Variants in PARN observed in about 807,000 individuals in gnomAD.
The protein encoded by PARN is poly(A)-specific ribonuclease PARN.
Under a neutral mutation model 102.8 loss-of-function variants are expected in PARN, and 71 were observed. That is an observed-to-expected ratio of 0.69 (90% CI 0.57 to 0.84). The LOEUF (loss-of-function observed/expected upper bound fraction) is 0.84, where lower values mean the gene tolerates loss of function less well. Ranked by LOEUF, PARN falls within the 40% of genes least tolerant of loss-of-function variation. The pLI, the probability that PARN is intolerant of heterozygous loss-of-function variation, is 0.00. For missense variants in PARN, 782 were observed against 760.9 expected, an observed-to-expected ratio of 1.03 and a Z score of -0.33; for synonymous variants, 261 against 252.9, an observed-to-expected ratio of 1.03 and a Z score of -0.30.
At chr16:14,587,204 G>A (rs1490133140) in intron 13 of PARN, among the ~76,000 whole-genome samples, 3 of 152,096 alleles carry the variant, frequency 2.0e-5, no homozygotes, top group Non-Finnish European at 4.4e-5. Context: ...GCTTTTCACT[G>A]GCTATAAATT....
intron 22 of PARN, among the ~76,000 whole-genome samples, chr16:14,462,925 C>T (rs939563664): frequency 3.3e-5 from 5 of 152,206 alleles, no homozygotes; most frequent in Non-Finnish European, 7.3e-5. Flanking sequence ...AGGAAACTAA[C>T]GAGGTGAACC....
intron 9 of PARN, among the ~76,000 whole-genome samples, chr16:14,607,802 A>G (rs1971285895): frequency 6.6e-6 from 1 of 152,170 alleles, no homozygotes; most frequent in Non-Finnish European, 1.5e-5. Context: ...TCAATGTTCA[A>G]TTTCTGAGTT....
chr16:14,511,713 A>G (rs1053411159), intron 21 of PARN, among the ~76,000 whole-genome samples: 2 of 152,002 alleles, frequency 1.3e-5, no homozygotes, highest in East Asian at 3.9e-4. Flanking sequence ...GTTATGTTAT[A>G]TTTTAGACAC....
chr16:14,478,588 G>T (rs1230233980), intron 22 of PARN, among the ~76,000 whole-genome samples: 1 of 152,054 alleles, frequency 6.6e-6, no homozygotes. Context: ...ACTAGCTAAA[G>T]GTGCTAGTCA....
chr16:14,534,540 AT>A (rs1966525892), intron 21 of PARN, among the ~76,000 whole-genome samples: 1 of 152,104 alleles, frequency 6.6e-6, no homozygotes, highest in Non-Finnish European at 1.5e-5. Context: ...TAATGAGTTC[AT>A]TTCCCCCCCT....
intron 5 of PARN, among the ~76,000 whole-genome samples, chr16:14,625,341 T>C (rs988889130): frequency 1.3e-5 from 2 of 151,352 alleles, no homozygotes; most frequent in Non-Finnish European, 3.0e-5. Flanking sequence ...CTACCAAAAA[T>C]ACAAAATTAG....
intron 5 of PARN, among the ~76,000 whole-genome samples, chr16:14,620,039 C>T (rs561625517): frequency 3.3e-4 from 44 of 133,730 alleles, no homozygotes; most frequent in African/African-American, 1.0e-3. Flanking sequence ...CACTGCACTC[C>T]AGCCTGGGTG....
At chr16:14,451,161 G>C (rs1291438719) in intron 22 of PARN, among the ~76,000 whole-genome samples, 1 of 152,132 alleles carries the variant, frequency 6.6e-6, no homozygotes, top group Non-Finnish European at 1.5e-5. Flanking sequence ...CATCCCACCA[G>C]AAGTTTACTG....
chr16:14,452,877 TTTTA>T (rs767993019), intron 22 of PARN, among the ~76,000 whole-genome samples: 1 of 152,214 alleles, frequency 6.6e-6, no homozygotes, highest in Non-Finnish European at 1.5e-5. Flanking sequence ...TAAATAAAAG[TTTTA>T]ATTATACATT....
intron 21 of PARN, among the ~76,000 whole-genome samples, chr16:14,548,947 T>C (rs1462815863): frequency 2.2e-5 from 3 of 138,006 alleles, no homozygotes; most frequent in Non-Finnish European, 4.5e-5. Context: ...GAAATGACCC[T>C]GTCTCAGAAA....
At chr16:14,574,256 G>A (rs1272159171) in intron 18 of PARN, among the ~76,000 whole-genome samples, 1 of 152,184 alleles carries the variant, frequency 6.6e-6, no homozygotes, top group Non-Finnish European at 1.5e-5. Flanking sequence ...ATAGAGATTT[G>A]TAGAACTTTG....
At chr16:14,539,169 A>C (rs896176445) in intron 21 of PARN, among the ~76,000 whole-genome samples, 1 of 152,214 alleles carries the variant, frequency 6.6e-6, no homozygotes, top group Non-Finnish European at 1.5e-5. Flanking sequence ...TCTGTGGAAA[A>C]ACTGTCTTTC....
At chr16:14,553,255 T>TAAAAAAAAAA (rs1567377509) in intron 20 of PARN, among the ~76,000 whole-genome samples, 2 of 30,746 alleles carry the variant, frequency 6.5e-5, no homozygotes, top group African/African-American at 2.2e-4. Context: ...CTATTTCTAT[T>TAAAAAAAAAA]TAAAAAAAAA....
In PARN at chr16:14,608,273, A is replaced by G. The variant is rs1971315522; in HGVS notation, c.659+8T>C. On this transcript the variant is annotated splice_region_variant and intron_variant, in intron 9 of 23. Transcript: ENST00000437198. ...CACAGAGCTGCTGCATACAATATAA[A>G]TACTTACTTCCAGCTCAAAGTCTGA... The G allele has an allele frequency of 6.6e-7, 1 of 1,525,150 alleles. No individual in the cohort carries two copies. The highest frequency in any genetic ancestry group is 1.4e-5 in the African/African-American group (1 of 72,190). 94.5% of individuals were successfully genotyped at this position (1,525,150 alleles called of 1,614,324 possible). A position where few individuals can be genotyped will look rare whatever the true frequency, so the allele number is the denominator to read the frequency against.
At chr16:14,586,255 G>A in intron 14 of PARN, 63 bp downstream of exon 14, 1 of 896,514 alleles carries the variant, frequency 1.1e-6, no homozygotes, top group Middle Eastern at 2.1e-4. Context: ...GGGATTATAG[G>A]TGTGAGCCAC....
At chr16:14,590,634 C>CAAAA (rs966183881) in intron 13 of PARN, among the ~76,000 whole-genome samples, 3 of 63,548 alleles carry the variant, frequency 4.7e-5, no homozygotes, top group Admixed American at 1.9e-4. Context: ...GATTCAGTCT[C>CAAAA]AAAAAAAAAA....
At chr16:14,514,027 G>A (rs931823510) in intron 21 of PARN, among the ~76,000 whole-genome samples, 2 of 152,148 alleles carry the variant, frequency 1.3e-5, no homozygotes, top group Admixed American at 1.3e-4. Context: ...ATTGTTGTAG[G>A]CACAGGGGAC....
At chr16:14,588,341 TA>T (rs1164088980) in intron 13 of PARN, among the ~76,000 whole-genome samples, 1 of 152,240 alleles carries the variant, frequency 6.6e-6, no homozygotes, top group East Asian at 1.9e-4. Flanking sequence ...TATGCATGGG[TA>T]AAAATAGTCA....
intron 18 of PARN, among the ~76,000 whole-genome samples, chr16:14,575,319 A>G (rs1342137484): frequency 3.9e-5 from 6 of 152,244 alleles, no homozygotes; most frequent in Non-Finnish European, 8.8e-5. Context: ...ACTCAATGCC[A>G]GCACATGAAA....
Sources: allele counts gnomAD v4.1 joint callset (sites outside exome capture counted in the v4.1 genomes callset), GRCh38; gene constraint gnomAD v4.1.1; transcripts MANE v1.5; gene names NCBI Gene and HGNC (gene_info 2026-07-23, HGNC 2026-07-21).